FSTL4: variants seen among roughly 807,000 people sequenced by gnomAD.
FSTL4 encodes follistatin like 4.
FSTL4 carries 28 observed loss-of-function variants against 78.2 expected under a neutral mutation model. That is an observed-to-expected ratio of 0.36 (90% confidence interval 0.27 to 0.49). The LOEUF is 0.49. Among genes scored for constraint, FSTL4 ranks in the 20% least tolerant of loss-of-function variants. The probability of loss-of-function intolerance (pLI) is 0.98; values close to 1 mark genes in which losing one functional copy is unlikely to be tolerated. For synonymous variants in FSTL4, 422 were observed against 440.5 expected (o/e 0.96, Z 0.53); for missense variants, 922 against 1,084.9 (o/e 0.85, Z 2.11).
intron 3 of FSTL4, among the ~76,000 whole-genome samples, chr5:133,526,636 G>A (rs996402084): frequency 6.6e-6 from 1 of 152,180 alleles, no homozygotes; most frequent in South Asian, 2.1e-4. Context: ...GGCCAGTGGT[G>A]AGAAGATAAC....
the FSTL4 span, among the ~76,000 whole-genome samples, chr5:133,646,660 T>C: frequency 6.6e-6 from 1 of 152,050 alleles, no homozygotes; most frequent in Non-Finnish European, 1.5e-5. Flanking sequence ...ATTGAGGACA[T>C]AGTTTGGAGA....
chr5:133,665,318 A>ACCAGGAATCAATTCGGT, the FSTL4 span, among the ~76,000 whole-genome samples: 2 of 152,192 alleles, frequency 1.3e-5, no homozygotes, highest in Non-Finnish European at 2.9e-5. Flanking sequence ...TTCCATGGTG[A>ACCAGGAATCAATTCGGT]CCAGGAATCA....
At chr5:133,486,786 G>A (rs1182389549) in intron 3 of FSTL4, among the ~76,000 whole-genome samples, 4 of 152,264 alleles carry the variant, frequency 2.6e-5, no homozygotes, top group African/African-American at 9.6e-5. Flanking sequence ...GGAGCAGAAG[G>A]AACTTTGAAC....
chr5:133,645,580 A>G, the FSTL4 span, among the ~76,000 whole-genome samples: 1 of 152,144 alleles, frequency 6.6e-6, no homozygotes. Flanking sequence ...AGAAGGATAC[A>G]TCCATGTCCT....
At chr5:133,237,724 C>T (rs937119563) in intron 7 of FSTL4, among the ~76,000 whole-genome samples, 9 of 152,182 alleles carry the variant, frequency 5.9e-5, no homozygotes, top group African/African-American at 2.2e-4. Context: ...ATTACTTTAA[C>T]AATTGATTTA....
chr5:133,468,141 A>G (rs1220750086), intron 3 of FSTL4, among the ~76,000 whole-genome samples: 1 of 152,148 alleles, frequency 6.6e-6, no homozygotes, highest in African/African-American at 2.4e-5. Context: ...GAAGATGAAA[A>G]TAAGAGATAG....
chr5:133,379,692 T>G (rs1561692990), intron 4 of FSTL4, among the ~76,000 whole-genome samples: 1 of 152,116 alleles, frequency 6.6e-6, no homozygotes. Context: ...CACTTTGATA[T>G]GAATGAAAAT....
intron 6 of FSTL4, among the ~76,000 whole-genome samples, chr5:133,272,735 C>T (rs575081357): frequency 3.9e-5 from 6 of 152,316 alleles, no homozygotes; most frequent in South Asian, 2.1e-4. Context: ...TAAATGAGTG[C>T]GCTGCATTAG....
the FSTL4 span, among the ~76,000 whole-genome samples, chr5:133,689,823 AG>A: frequency 6.6e-6 from 1 of 152,174 alleles, no homozygotes; most frequent in African/African-American, 2.4e-5. Context: ...GCACTTTGGA[AG>A]GATAGGCGGG....
At chr5:133,409,370 C>G (rs1027352588) in intron 3 of FSTL4, among the ~76,000 whole-genome samples, 9 of 152,212 alleles carry the variant, frequency 5.9e-5, no homozygotes, top group African/African-American at 2.2e-4. Context: ...ACAGACAGGT[C>G]CTATGGTTTC....
intron 3 of FSTL4, among the ~76,000 whole-genome samples, chr5:133,418,018 G>C (rs1033387495): frequency 1.6e-4 from 22 of 138,736 alleles, no homozygotes; most frequent in African/African-American, 5.9e-4. Context: ...GAAACAACAG[G>C]AATCAGTAGA....
intron 6 of FSTL4, among the ~76,000 whole-genome samples, chr5:133,282,607 C>T (rs146331519): frequency 3.9e-5 from 6 of 152,252 alleles, no homozygotes; most frequent in South Asian, 2.1e-4. Context: ...AGAGGTCTTC[C>T]GTTCTGGGAA....
Position 133,383,924 on chromosome 5 carries a change from C to T in FSTL4, c.409+16814G>A, listed in dbSNP as rs59962350. On this transcript the variant is annotated intron_variant, in intron 4 of 15. Coordinates refer to ENST00000265342, the MANE Select transcript of FSTL4 (RefSeq NM_015082.2). ...GACTGTTCTTTTGTTCTGAGAAATC[C>T]GACACCTAAATTCCCCTTTGGTCTT... Among the ~76,000 whole-genome samples the T allele has an allele frequency of 5.7e-3, 873 of 152,296 alleles. 10 individuals carry two copies. The highest frequency in any genetic ancestry group is 0.019 in the African/African-American group (796 of 41,554).
chr5:133,630,637 A>G, the FSTL4 span, among the ~76,000 whole-genome samples: 1 of 152,062 alleles, frequency 6.6e-6, no homozygotes, highest in South Asian at 2.1e-4. Flanking sequence ...GAATTAGAAA[A>G]ACAACTAAAT....
rs533026518 is a variant in FSTL4, at chr5:133,548,652, G to T, written c.160+18534C>A. Among the ~76,000 whole-genome samples, 4 of 152,294 alleles carry T rather than the reference G, an allele frequency of 2.6e-5. No homozygotes were observed. The South Asian group carries it at 8.3e-4, about 32-fold the overall frequency. On this transcript the variant is annotated intron_variant, in intron 3 of 15. Coordinates refer to ENST00000265342, the MANE Select transcript of FSTL4 (RefSeq NM_015082.2). Reference sequence around the variant, plus strand: ...GAGGACTTCAAAATTACTATCATCTGTGTGGCAAAGAAAAGAAAGAGTAGC... The same window carrying T: ...GAGGACTTCAAAATTACTATCATCTTTGTGGCAAAGAAAAGAAAGAGTAGC...
At chr5:133,462,259 A>G (rs908750450) in intron 3 of FSTL4, among the ~76,000 whole-genome samples, 1 of 152,210 alleles carries the variant, frequency 6.6e-6, no homozygotes, top group African/African-American at 2.4e-5. Context: ...GTGCTCACAC[A>G]CAGGCTTGGC....
chr5:133,305,152 C>T (rs939140190), intron 6 of FSTL4, among the ~76,000 whole-genome samples: 1 of 152,248 alleles, frequency 6.6e-6, no homozygotes, highest in African/African-American at 2.4e-5. Context: ...CACCGGAGGC[C>T]TTCAAAGGCC....
At chr5:133,724,038 A>G in the FSTL4 span, among the ~76,000 whole-genome samples, 2 of 152,226 alleles carry the variant, frequency 1.3e-5, no homozygotes, top group East Asian at 1.9e-4. Context: ...TACAATGGCT[A>G]CTTGCCCTAG....
chr5:133,841,756 G>A, the FSTL4 span, among the ~76,000 whole-genome samples: 1 of 152,206 alleles, frequency 6.6e-6, no homozygotes, highest in Non-Finnish European at 1.5e-5. Context: ...ATTATGCCAT[G>A]TTCCCTGTCA....
Sources: allele counts gnomAD v4.1 joint callset (sites outside exome capture counted in the v4.1 genomes callset), GRCh38; gene constraint gnomAD v4.1.1; transcripts MANE v1.5; gene names NCBI Gene and HGNC (gene_info 2026-07-23, HGNC 2026-07-21).